TMEM232: variants seen among roughly 807,000 people sequenced by gnomAD.
TMEM232 encodes transmembrane protein 232.
A neutral mutation model predicts 78.8 loss-of-function variants in TMEM232; 80 were observed. The observed-to-expected ratio is 1.01, with a 90% CI of 0.85 to 1.22. The LOEUF is 1.22. Among genes scored for constraint, TMEM232 ranks in the 50% most tolerant of loss-of-function variants. The pLI is 0.00. For synonymous variants in TMEM232, 297 were observed against 254.3 expected, an observed-to-expected ratio of 1.17 and a Z score of -1.60; for missense variants, 881 against 742.2, an observed-to-expected ratio of 1.19 and a Z score of -2.17.
chr5:110,563,637 C>T (rs946068795), intron 11 of TMEM232, among the ~76,000 whole-genome samples: 3 of 151,814 alleles, frequency 2.0e-5, no homozygotes, highest in Middle Eastern at 6.8e-3. Context: ...ACAGTTTATA[C>T]AAAATTAGTA....
intron 10 of TMEM232, among the ~76,000 whole-genome samples, chr5:110,596,537 C>CA (rs1780190839): frequency 6.6e-6 from 1 of 152,098 alleles, no homozygotes; most frequent in African/African-American, 2.4e-5. Context: ...ATCCTGATAC[C>CA]AAAGCTGGGC....
chr5:110,506,189 A>T (rs1440845031), intron 12 of TMEM232, among the ~76,000 whole-genome samples: 1 of 152,180 alleles, frequency 6.6e-6, no homozygotes, highest in African/African-American at 2.4e-5. Context: ...ATAAAAGTGG[A>T]TGTTAAACTG....
intron 1 of TMEM232, among the ~76,000 whole-genome samples, chr5:110,698,094 A>G (rs1042874431): frequency 1.2e-4 from 19 of 152,370 alleles, no homozygotes; most frequent in Middle Eastern, 3.4e-3. Context: ...ATACCATGGA[A>G]TACTATCCAG....
intron 12 of TMEM232, among the ~76,000 whole-genome samples, chr5:110,492,455 A>C (rs979759699): frequency 6.6e-6 from 1 of 152,020 alleles, no homozygotes; most frequent in East Asian, 1.9e-4. Flanking sequence ...TTAATGGATA[A>C]TATGATTTGA....
intron 10 of TMEM232, among the ~76,000 whole-genome samples, chr5:110,582,047 T>C (rs376818793): frequency 1.1e-4 from 16 of 152,118 alleles, no homozygotes; most frequent in African/African-American, 3.9e-4. Flanking sequence ...GGAATGCTTA[T>C]ACACTGTTGG....
intron 11 of TMEM232, among the ~76,000 whole-genome samples, chr5:110,540,808 G>A (rs774815221): frequency 6.6e-6 from 1 of 152,198 alleles, no homozygotes; most frequent in Non-Finnish European, 1.5e-5. Flanking sequence ...TACATTCCCT[G>A]TGGTTCATGC....
chr5:110,659,448 G>T (rs145865032), intron 2 of TMEM232, among the ~76,000 whole-genome samples: 2 of 152,110 alleles, frequency 1.3e-5, no homozygotes, highest in African/African-American at 2.4e-5. Context: ...TCCCAGGCTG[G>T]TACACTTACA....
At chr5:110,701,813 A>C (rs1199850716) in intron 1 of TMEM232, among the ~76,000 whole-genome samples, 1 of 152,000 alleles carries the variant, frequency 6.6e-6, no homozygotes, top group Non-Finnish European at 1.5e-5. Context: ...ATCCCTTGTT[A>C]TGCTCCACAA....
intron 1 of TMEM232, among the ~76,000 whole-genome samples, chr5:110,719,160 C>T (rs771861362): frequency 6.0e-5 from 9 of 150,966 alleles, no homozygotes; most frequent in East Asian, 1.9e-4. Flanking sequence ...TACATGACTG[C>T]GTGTGTGTAT....
chr5:110,715,510 G>T (rs1488971762), intron 1 of TMEM232, among the ~76,000 whole-genome samples: 1 of 152,180 alleles, frequency 6.6e-6, no homozygotes, highest in Non-Finnish European at 1.5e-5. Context: ...GCTGTAGAAA[G>T]TTAGGAAGCT....
intron 8 of TMEM232, among the ~76,000 whole-genome samples, chr5:110,614,050 A>C (rs1207666789): frequency 6.6e-6 from 1 of 152,108 alleles, no homozygotes; most frequent in East Asian, 1.9e-4. Context: ...AAATAAAAAA[A>C]GTAACTATAT....
chr5:110,634,629 A>T (rs183852423), intron 5 of TMEM232, among the ~76,000 whole-genome samples: 210 of 149,712 alleles, frequency 1.4e-3, no homozygotes, highest in African/African-American at 5.0e-3. Context: ...AATGGAAATT[A>T]AAAAAAAAAG....
intron 1 of TMEM232, among the ~76,000 whole-genome samples, chr5:110,721,673 G>GTGTATATATATATATATATATATATA (rs146117698): frequency 0.01 from 364 of 35,428 alleles, 22 homozygotes; most frequent in African/African-American, 0.025. Flanking sequence ...GTGTGTGTGT[G>GTGTATATATATATATATATATATATA]TATATATATA....
At chr5:110,700,476 T>C (rs1025324888) in intron 1 of TMEM232, among the ~76,000 whole-genome samples, 2 of 151,974 alleles carry the variant, frequency 1.3e-5, no homozygotes, top group African/African-American at 4.8e-5. Context: ...AATCACGAAC[T>C]TACAACTCCA....
chr5:110,584,539 G>A (rs1025444653), intron 10 of TMEM232, among the ~76,000 whole-genome samples: 2 of 152,082 alleles, frequency 1.3e-5, no homozygotes, highest in Admixed American at 1.3e-4. Flanking sequence ...TAACATTTCA[G>A]TAATACAAGA....
intron 7 of TMEM232, among the ~76,000 whole-genome samples, chr5:110,622,629 G>A (rs1216217708): frequency 2.6e-5 from 4 of 151,976 alleles, no homozygotes; most frequent in Non-Finnish European, 4.4e-5. Context: ...CTTTGCTATC[G>A]TGAATAATGC....
rs114660532 is a variant in TMEM232, at chr5:110,667,433, A to G, written c.-12-69T>C. 3.5e-3 allele frequency: 4,364 copies of G among 1,256,288 alleles called. 7 individuals carry two copies. Among genetic ancestry groups the G allele is most frequent in the Non-Finnish European group, 4.2e-3 (4,031 of 949,920 alleles). 77.8% of individuals were successfully genotyped at this position (1,256,288 alleles called of 1,614,324 possible). A position where few individuals can be genotyped will look rare whatever the true frequency, so the allele number is the denominator to read the frequency against. ...TAGTATCAAACAACATGTTATGCAA[A>G]TTCATTATTTTTGGAAAAGAATAGC... On this transcript the variant is annotated intron_variant, in intron 1 of 13. Transcript: ENST00000455884.
In TMEM232 at chr5:110,642,276, A is replaced by G. The variant is rs1786844744; in HGVS notation, c.221T>C (p.Ile74Thr). 6.5e-7 allele frequency: 1 copy of G among 1,536,598 alleles called. No individual in the cohort carries two copies. The highest frequency in any genetic ancestry group is 2.5e-5 in the East Asian group (1 of 40,062). The stretch of plus-strand genomic sequence containing the variant: ...TGCCATTACCTTACATCTGAGAATG[A>G]TTTTTCTAGCTAGTTCCAACAATTC... ...KEELLELARKIILRCKRKLGL... is the reference protein window; with the variant it reads ...KEELLELARKTILRCKRKLGL... Residue 74 changes from isoleucine to threonine, a missense_variant, in exon 3 of 14, where the codon ATC (isoleucine) becomes ACC (threonine). Transcript: ENST00000455884.
downstream of TMEM232, among the ~76,000 whole-genome samples, chr5:110,415,885 A>G (rs1462529857): frequency 6.6e-6 from 1 of 152,168 alleles, no homozygotes; most frequent in African/African-American, 2.4e-5. Context: ...CCTTTCCAAA[A>G]TAGAGTCAGC....
Sources: allele counts gnomAD v4.1 joint callset (sites outside exome capture counted in the v4.1 genomes callset), GRCh38; gene constraint gnomAD v4.1.1; transcripts MANE v1.5; gene names NCBI Gene and HGNC (gene_info 2026-07-23, HGNC 2026-07-21).